Variants in CDS2 observed in about 807,000 individuals in gnomAD.
CDS2 encodes the protein phosphatidate cytidylyltransferase 2.
CDS2 carries 47 observed loss-of-function variants against 59.0 expected under a neutral mutation model. The ratio of observed to expected loss-of-function variants is 0.80; its 90% CI spans 0.63 to 1.02. CDS2 has a LOEUF of 1.02. Ranked by LOEUF, CDS2 falls within the 50% of genes least tolerant of loss-of-function variation. The pLI is 0.00. For synonymous variants in CDS2, 207 were observed against 206.4 expected, an observed-to-expected ratio of 1.00 and a Z score of -0.02; for missense variants, 356 against 558.9, an observed-to-expected ratio of 0.64 and a Z score of 3.66.
At chr20:5,183,589 C>T (rs536463986) in intron 7 of CDS2, among the ~76,000 whole-genome samples, 3 of 152,244 alleles carry the variant, frequency 2.0e-5, no homozygotes, top group Admixed American at 1.3e-4. Flanking sequence ...GATTCCATAT[C>T]TGGAAAGAGA....
At chr20:5,132,042 A>G (rs1043087321) in intron 1 of CDS2, among the ~76,000 whole-genome samples, 17 of 152,202 alleles carry the variant, frequency 1.1e-4, no homozygotes, top group Admixed American at 3.9e-4. Context: ...CCTTTTAAGG[A>G]AAGTTTTATA....
chr20:5,157,602 T>C (rs1245656730), intron 1 of CDS2, among the ~76,000 whole-genome samples: 2 of 152,216 alleles, frequency 1.3e-5, no homozygotes, highest in Non-Finnish European at 1.5e-5. Context: ...TTTTGGGGTC[T>C]GGGAAGTCCA....
intron 1 of CDS2, among the ~76,000 whole-genome samples, chr20:5,166,878 G>A (rs1377871214): frequency 3.3e-5 from 5 of 152,170 alleles, no homozygotes; most frequent in African/African-American, 1.2e-4. Flanking sequence ...ATGAAATGTC[G>A]ACAGCTCTTC....
chr20:5,139,924 C>T (rs1408913768), intron 1 of CDS2, among the ~76,000 whole-genome samples: 1 of 151,916 alleles, frequency 6.6e-6, no homozygotes, highest in African/African-American at 2.4e-5. Context: ...CTCAGCCTCA[C>T]GAGTAGCTGG....
intron 1 of CDS2, among the ~76,000 whole-genome samples, chr20:5,143,923 C>T (rs2090717925): frequency 1.3e-5 from 2 of 151,900 alleles, no homozygotes; most frequent in South Asian, 2.1e-4. Context: ...TGCCACCATG[C>T]TCTGCTAATT....
chr20:5,178,980 T>G, intron 5 of CDS2, 24 bp downstream of exon 5: 1 of 1,609,456 alleles, frequency 6.2e-7, no homozygotes, highest in Non-Finnish European at 8.5e-7. Context: ...AGTTCACCAT[T>G]TCTTGTGTCT....
At chr20:5,183,405 G>C (rs925945220) in intron 7 of CDS2, among the ~76,000 whole-genome samples, 1 of 152,164 alleles carries the variant, frequency 6.6e-6, no homozygotes, top group Admixed American at 6.5e-5. Context: ...CACTGTTCTA[G>C]ACTAATAGGT....
At chr20:5,182,085 T>TGACCACTGTTTGCTGGCCC (rs1416232728) in intron 5 of CDS2, among the ~76,000 whole-genome samples, 1 of 152,246 alleles carries the variant, frequency 6.6e-6, no homozygotes, top group Non-Finnish European at 1.5e-5. Context: ...GCAGCTGGCC[T>TGACCACTGTTTGCTGGCCC]GACCACTGTT....
At chr20:5,146,399 T>A (rs749550613) in intron 1 of CDS2, among the ~76,000 whole-genome samples, 2 of 152,134 alleles carry the variant, frequency 1.3e-5, no homozygotes, top group Non-Finnish European at 2.9e-5. Context: ...TTTGGGGTGC[T>A]ACCAAAGCCT....
At chr20:5,135,008 T>G (rs1359870959) in intron 1 of CDS2, among the ~76,000 whole-genome samples, 1 of 152,196 alleles carries the variant, frequency 6.6e-6, no homozygotes, top group Non-Finnish European at 1.5e-5. Flanking sequence ...ACCTTACAAC[T>G]GCCAGAAATT....
At chr20:5,157,990 A>G (rs1342939784) in intron 1 of CDS2, among the ~76,000 whole-genome samples, 1 of 152,168 alleles carries the variant, frequency 6.6e-6, no homozygotes, top group African/African-American at 2.4e-5. Flanking sequence ...CCCACGACCC[A>G]ACACAAATTC....
intron 1 of CDS2, among the ~76,000 whole-genome samples, chr20:5,151,473 A>G (rs1253540333): frequency 6.6e-6 from 1 of 152,214 alleles, no homozygotes; most frequent in African/African-American, 2.4e-5. Flanking sequence ...TTTAAAATGC[A>G]GTGATCAGTG....
intron 3 of CDS2, chr20:5,176,406 A>G (rs896161333): frequency 4.5e-6 from 2 of 442,772 alleles, no homozygotes; most frequent in Non-Finnish European, 8.2e-6. Flanking sequence ...AAAAAAAGTT[A>G]ATTGAAACAT....
At chr20:5,185,692 A>T in intron 8 of CDS2, 66 bp from the exon 9 acceptor site, 3 of 1,387,124 alleles carry the variant, frequency 2.2e-6, no homozygotes, top group Non-Finnish European at 3.1e-6. Context: ...CTTAACAAGT[A>T]ATCATTGTTC....
At chr20:5,186,618 A>G in intron 9 of CDS2, 69 bp from the exon 10 acceptor site, 1 of 1,555,618 alleles carries the variant, frequency 6.4e-7, no homozygotes, top group South Asian at 1.1e-5. Flanking sequence ...TGGCCAAACC[A>G]GGTGCCTGTG....
rs1033026505 is a variant in CDS2 at position 5,144,708 on chromosome 20, T to C, written c.57+17559T>C. ...TTTTGAGACAAAATGTACATTTTTT[T>C]CATATAAACATTGAAACCATCATGT... On this transcript the variant is annotated intron_variant, in intron 1 of 12. Transcript: ENST00000460006. Among the ~76,000 whole-genome samples, 3 of 152,348 alleles carry C rather than the reference T, an allele frequency of 2.0e-5. No individual in the cohort carries two copies. The East Asian group carries it at 5.8e-4, about 29-fold the overall frequency.
In CDS2 at chr20:5,189,241, T is replaced by G; in HGVS notation, c.1101+55T>G. 8.1e-6 allele frequency: 13 copies of G among 1,607,614 alleles called. No homozygotes were observed. In the South Asian group the frequency reaches 1.4e-4, roughly 18 times the overall value. ...CTCACTCCCTCACCCATCTTCTGCC[T>G]TTCTCCCCCTTCCCTGCCCCCTCCA... On this transcript the variant is annotated intron_variant, in intron 11 of 12. Transcript: ENST00000460006.
chr20:5,162,250 G>A (rs2090880986), intron 1 of CDS2, among the ~76,000 whole-genome samples: 1 of 152,190 alleles, frequency 6.6e-6, no homozygotes, highest in African/African-American at 2.4e-5. Flanking sequence ...CCAATGTGAT[G>A]CTCAAAGGAA....
At chr20:5,141,644 C>T (rs1380232746) in intron 1 of CDS2, among the ~76,000 whole-genome samples, 1 of 152,200 alleles carries the variant, frequency 6.6e-6, no homozygotes, top group East Asian at 1.9e-4. Flanking sequence ...GTGATGGGGA[C>T]TCCAGCTTGA....
Sources: allele counts gnomAD v4.1 joint callset (sites outside exome capture counted in the v4.1 genomes callset), GRCh38; gene constraint gnomAD v4.1.1; transcripts MANE v1.5; gene names NCBI Gene and HGNC (gene_info 2026-07-23, HGNC 2026-07-21).